PPP1R9A: variants seen among roughly 807,000 people sequenced by gnomAD.
The protein encoded by PPP1R9A is protein phosphatase 1 regulatory subunit 9A.
A neutral mutation model predicts 141.9 loss-of-function variants in PPP1R9A; 59 were observed. The ratio of observed to expected loss-of-function variants is 0.42; its 90% CI spans 0.34 to 0.52. The LOEUF is 0.52. PPP1R9A is among the 20% of genes least tolerant of loss of function. The pLI is 0.10. For missense variants in PPP1R9A, 1,444 were observed against 1,611.9 expected (o/e 0.90, Z 1.78); for synonymous variants, 500 against 569.7 (o/e 0.88, Z 1.74).
In PPP1R9A at chr7:95,247,480, T is replaced by A; in HGVS notation, c.2120T>A (p.Ile707Asn). The part of the protein sequence containing the change: ...KLSHKFKELQ[I>N]KHAVTEAEIQ... ...TTTCTTTTCAATTTTCAGTTGCAAA[T>A]CAAACATGCAGTTACAGAAGCAGAG... The change falls in exon 9 of 20, where the codon ATC becomes AAC. Residue 707 changes from isoleucine (I) to asparagine (N), a missense_variant. Ile to Asn is a moderately radical substitution (Grantham distance 149, BLOSUM62 -3). Coordinates refer to ENST00000433360, the MANE Select transcript of PPP1R9A (RefSeq NM_001166160.2). The A allele has an allele frequency of 6.2e-7, 1 of 1,607,532 alleles. No homozygotes were observed. Among genetic ancestry groups the A allele is most frequent in the Non-Finnish European group, 8.5e-7 (1 of 1,175,652 alleles).
intron 2 of PPP1R9A, among the ~76,000 whole-genome samples, chr7:94,966,138 A>G (rs1444547584): frequency 6.6e-6 from 1 of 152,206 alleles, no homozygotes; most frequent in Non-Finnish European, 1.5e-5. Flanking sequence ...ATTGGTGTAT[A>G]GGAATGCTTG....
At chr7:94,959,277 T>A (rs1239925074) in intron 2 of PPP1R9A, among the ~76,000 whole-genome samples, 1 of 151,810 alleles carries the variant, frequency 6.6e-6, no homozygotes, top group East Asian at 1.9e-4. Context: ...TAATGTGATG[T>A]GTTTGGTGTT....
At chr7:94,912,918 C>G (rs533209060) in intron 2 of PPP1R9A, among the ~76,000 whole-genome samples, 2 of 152,212 alleles carry the variant, frequency 1.3e-5, no homozygotes, top group East Asian at 1.9e-4. Flanking sequence ...CCCCACTGCC[C>G]TACTCTAGAT....
intron 16 of PPP1R9A, among the ~76,000 whole-genome samples, chr7:95,276,314 C>T (rs1563547257): frequency 1.3e-5 from 2 of 152,142 alleles, no homozygotes. Flanking sequence ...TTGTATAAAT[C>T]ACAAATGAAA....
At chr7:95,130,276 C>T (rs1008865624) in intron 4 of PPP1R9A, among the ~76,000 whole-genome samples, 4 of 152,260 alleles carry the variant, frequency 2.6e-5, no homozygotes, top group Non-Finnish European at 2.9e-5. Context: ...AGGTAGCTAG[C>T]GCTTGGGCTG....
chr7:95,228,844 T>C (rs77771336), intron 8 of PPP1R9A, among the ~76,000 whole-genome samples: 2 of 152,278 alleles, frequency 1.3e-5, no homozygotes, highest in East Asian at 3.9e-4. Flanking sequence ...CCTAAAATTT[T>C]ATCGTGCCCT....
At chr7:95,112,743 A>G (rs1395009688) in intron 3 of PPP1R9A, among the ~76,000 whole-genome samples, 6 of 152,218 alleles carry the variant, frequency 3.9e-5, no homozygotes, top group Non-Finnish European at 5.9e-5. Flanking sequence ...GTGCAGCTAT[A>G]AGAAAGAATG....
chr7:95,202,672 A>G (rs1789836230), intron 6 of PPP1R9A: 2 of 699,200 alleles, frequency 2.9e-6, no homozygotes, highest in Non-Finnish European at 3.5e-6. Context: ...ACTTTTTAGT[A>G]ACATTTAATC....
In PPP1R9A at chr7:95,161,924, A is replaced by G. The variant is rs551581700; in HGVS notation, c.1707A>G (p.Thr569=). Residue 569 remains threonine (T), a synonymous_variant, in exon 5 of 20, where the codon ACA becomes ACG. Coordinates refer to ENST00000433360, the MANE Select transcript of PPP1R9A (RefSeq NM_001166160.2). ...ATGGAATCAGCTTGGTGGGTGTGAC[A>G]CAGAATTTTGCAGCAACAGTTCTCA... ...EVDGISLVGV[T]QNFAATVLRN... 1 of 1,611,294 alleles carries G rather than the reference A, an allele frequency of 6.2e-7. No individual in the cohort carries two copies. The highest frequency in any genetic ancestry group is 1.3e-5 in the African/African-American group (1 of 74,974).
intron 2 of PPP1R9A, among the ~76,000 whole-genome samples, chr7:94,915,023 G>T (rs1360078810): frequency 6.6e-6 from 1 of 151,850 alleles, no homozygotes; most frequent in Non-Finnish European, 1.5e-5. Context: ...AAATACTATT[G>T]TGTTACAATG....
At chr7:95,079,074 G>A (rs1815344864) in intron 2 of PPP1R9A, among the ~76,000 whole-genome samples, 1 of 152,100 alleles carries the variant, frequency 6.6e-6, no homozygotes, top group South Asian at 2.1e-4. Context: ...TGTCCTGAAT[G>A]GTAATGCCTA....
intron 4 of PPP1R9A, among the ~76,000 whole-genome samples, chr7:95,124,413 T>C (rs1235018522): frequency 6.6e-6 from 1 of 152,120 alleles, no homozygotes; most frequent in Non-Finnish European, 1.5e-5. Context: ...TTCTCTTTCT[T>C]AAAAAACCTA....
At chr7:95,018,134 A>G (rs1221649882) in intron 2 of PPP1R9A, 56 of 191,502 alleles carry the variant, frequency 2.9e-4, no homozygotes. Context: ...TGCCTAGAGA[A>G]GGGAAAATTA....
intron 8 of PPP1R9A, among the ~76,000 whole-genome samples, chr7:95,229,125 G>A (rs1392517934): frequency 2.6e-5 from 4 of 151,872 alleles, no homozygotes; most frequent in African/African-American, 9.7e-5. Context: ...ACAAAAACTG[G>A]GAGGATTAAG....
chr7:95,187,832 G>A (rs556603643), intron 5 of PPP1R9A, among the ~76,000 whole-genome samples: 8 of 151,928 alleles, frequency 5.3e-5, no homozygotes, highest in South Asian at 4.1e-4. Context: ...TTTTTGAGTC[G>A]ATTTCCAGTT....
chr7:95,164,838 C>CT (rs762123732), intron 5 of PPP1R9A, among the ~76,000 whole-genome samples: 1 of 148,326 alleles, frequency 6.7e-6, no homozygotes, highest in Non-Finnish European at 1.5e-5. Context: ...TTCTCTCTTC[C>CT]TAGAGCTTAA....
chr7:95,269,521 CT>C lies in PPP1R9A; in HGVS notation c.3124+19del. ...TACGAGAAAAAGGTATTGTTAATTT[CT>C]TTTTCTGACTTCATAACACCTCAGC... On this transcript the variant is annotated intron_variant, in intron 14 of 19. Coordinates refer to ENST00000433360, the MANE Select transcript of PPP1R9A (RefSeq NM_001166160.2). 6.5e-7 allele frequency: 1 copy of C among 1,533,966 alleles called. No homozygotes were observed. Among genetic ancestry groups the C allele is most frequent in the South Asian group, 1.1e-5 (1 of 88,254 alleles).
At chr7:95,039,398 G>C (rs77171530) in intron 2 of PPP1R9A, among the ~76,000 whole-genome samples, 2 of 151,660 alleles carry the variant, frequency 1.3e-5, no homozygotes, top group Non-Finnish European at 2.9e-5. Flanking sequence ...GTGAAACCCC[G>C]TCTCTACTTT....
chr7:95,080,214 T>G (rs1815578640), intron 2 of PPP1R9A, among the ~76,000 whole-genome samples: 1 of 152,192 alleles, frequency 6.6e-6, no homozygotes, highest in Non-Finnish European at 1.5e-5. Context: ...CAAAATCTCC[T>G]TAAGCTGATA....
Sources: gnomAD v4.1 joint callset for allele counts (sites outside exome capture counted in the v4.1 genomes callset) on GRCh38, gnomAD v4.1.1 for gene constraint, MANE v1.5 for transcripts, NCBI Gene and HGNC (gene_info 2026-07-23, HGNC 2026-07-21) for gene names.